EXT1: variants seen among roughly 807,000 people sequenced by gnomAD.
EXT1 encodes the protein exostosin glycosyltransferase 1, also known as exostosin-1.
A neutral mutation model predicts 82.5 loss-of-function variants in EXT1; 20 were observed. That is an observed-to-expected ratio of 0.24 (90% confidence interval 0.17 to 0.35). The LOEUF is 0.35. Among genes scored for constraint, EXT1 ranks in the 10% least tolerant of loss-of-function variants. The probability of loss-of-function intolerance (pLI) is 1.00; values close to 1 mark genes in which losing one functional copy is unlikely to be tolerated. For synonymous variants in EXT1, 348 were observed against 350.8 expected (o/e 0.99, Z 0.09); for missense variants, 757 against 936.5 (o/e 0.81, Z 2.50).
chr8:117,852,983 C>A (rs1812481551), intron 1 of EXT1, among the ~76,000 whole-genome samples: 2 of 152,070 alleles, frequency 1.3e-5, no homozygotes, highest in Non-Finnish European at 2.9e-5. Context: ...AGGAACTTGA[C>A]CTAGTCAGGG....
At chr8:117,847,184 T>A (rs780009169) in intron 1 of EXT1, among the ~76,000 whole-genome samples, 1 of 152,186 alleles carries the variant, frequency 6.6e-6, no homozygotes, top group African/African-American at 2.4e-5. Flanking sequence ...ACAGGGGCTA[T>A]GGAAGCAAGA....
rs191919950 is a variant in EXT1 at position 117,813,067 on chromosome 8, C to A, written c.1633-106G>T. 6.9e-6 allele frequency: 6 copies of A among 863,396 alleles called. No individual in the cohort carries two copies. The African/African-American group carries it at 1.0e-4, about 14-fold the overall frequency. The allele number at this position is 863,396 out of a possible 1,614,324, so 53.5% of individuals were successfully genotyped here. ...CCCATCCTCACCTGCATAAAGAATGCGCTACTATCATGTCACCCCTCAACA... is the reference window on the plus strand; with the variant it reads ...CCCATCCTCACCTGCATAAAGAATGAGCTACTATCATGTCACCCCTCAACA... On this transcript the variant is annotated intron_variant, in intron 7 of 10. Coordinates refer to ENST00000378204, the MANE Select transcript of EXT1 (RefSeq NM_000127.3).
chr8:117,962,465 A>G (rs1442527210), intron 1 of EXT1, among the ~76,000 whole-genome samples: 3 of 152,018 alleles, frequency 2.0e-5, no homozygotes, highest in Non-Finnish European at 4.4e-5. Flanking sequence ...AAAATTAGCC[A>G]AGAATGGCTG....
intron 1 of EXT1, among the ~76,000 whole-genome samples, chr8:118,059,142 A>G (rs1011930889): frequency 6.6e-6 from 1 of 152,214 alleles, no homozygotes; most frequent in Non-Finnish European, 1.5e-5. Flanking sequence ...CCAAATCCTG[A>G]TATTTCAATA....
rs762143501 is a variant in EXT1, at chr8:117,822,571, G to A, written c.1311C>T (p.His437=). Residue 437 remains histidine (H), a synonymous_variant, in exon 5 of 11, where the codon CAC becomes CAT. Coordinates refer to ENST00000378204, the MANE Select transcript of EXT1 (RefSeq NM_000127.3). Reference sequence around the variant, plus strand: ...TCCATATTAAACTGTTACGTGATATGTGCTTGAATATTCTGTCCTGAATAA... The same window carrying A: ...TCCATATTAAACTGTTACGTGATATATGCTTGAATATTCTGTCCTGAATAA... The part of the protein sequence containing the change: ...LEIIQDRIFK[H]ISRNSLIWNK... 3.7e-6 allele frequency: 6 copies of A among 1,613,090 alleles called. No homozygotes were observed. The highest frequency in any genetic ancestry group is 1.3e-5 in the African/African-American group (1 of 74,900).
Position 118,026,731 on chromosome 8 carries a change from A to G in EXT1, c.962+83354T>C, listed in dbSNP as rs116862674. On this transcript the variant is annotated intron_variant, in intron 1 of 10. Transcript: ENST00000378204. ...TTGGGGGGAGGGAACAGCATTAGCT[A>G]CTACAAACAACCATCAGTCACTGAT... Among the ~76,000 whole-genome samples, 746 of 152,292 alleles carry G rather than the reference A, an allele frequency of 4.9e-3. 2 individuals are homozygous for G. The highest frequency in any genetic ancestry group is 8.5e-3 in the Non-Finnish European group (580 of 68,026).
intron 1 of EXT1, among the ~76,000 whole-genome samples, chr8:117,982,000 G>C (rs1815216347): frequency 6.6e-6 from 1 of 152,206 alleles, no homozygotes; most frequent in African/African-American, 2.4e-5. Context: ...GATTTTGTCA[G>C]AATGAGATTT....
intron 1 of EXT1, among the ~76,000 whole-genome samples, chr8:118,069,238 T>C (rs1335393489): frequency 6.6e-6 from 1 of 152,244 alleles, no homozygotes; most frequent in African/African-American, 2.4e-5. Context: ...TAACTTCCCA[T>C]GTGTAATACT....
At chr8:117,817,735 G>A (rs529877403) in intron 7 of EXT1, among the ~76,000 whole-genome samples, 1 of 152,284 alleles carries the variant, frequency 6.6e-6, no homozygotes, top group East Asian at 1.9e-4. Flanking sequence ...TGTAGTAGGG[G>A]GCAGGGTCTG....
At chr8:118,028,002 A>C (rs1209034877) in intron 1 of EXT1, among the ~76,000 whole-genome samples, 1 of 152,222 alleles carries the variant, frequency 6.6e-6, no homozygotes, top group Non-Finnish European at 1.5e-5. Context: ...AATGAATTAC[A>C]GTGGGAATTA....
chr8:118,058,162 C>A (rs1816826095), intron 1 of EXT1, among the ~76,000 whole-genome samples: 1 of 151,928 alleles, frequency 6.6e-6, no homozygotes, highest in Admixed American at 6.6e-5. Context: ...ACACAACACA[C>A]ACAAATAACC....
At position 118,110,859 on chromosome 8, in the gene EXT1, C is replaced by A. The variant is rs187891947; in HGVS notation, c.188G>T (p.Arg63Leu). The stretch of plus-strand genomic sequence containing the variant: ...CAATTGATCCCAAGGAACGAAGGGG[C>A]GCAGAGCGTCCGGGAAGCGGGGCCA... ...HFWPRFPDAL[R>L]PFVPWDQLEN... is the part of the protein sequence containing the mutation. Residue 63 changes from arginine (R) to leucine (L), a missense_variant, in exon 1 of 11, where the codon CGC (arginine) becomes CTC (leucine). Physicochemically the swap from Arg to Leu is moderately radical, Grantham distance 102. Transcript: ENST00000378204. The A allele has an allele frequency of 3.1e-6, 5 of 1,613,062 alleles. No homozygotes were observed. The East Asian group carries it at 1.1e-4, about 36-fold the overall frequency.
chr8:117,900,956 G>T (rs1158374994), intron 1 of EXT1, among the ~76,000 whole-genome samples: 1 of 152,158 alleles, frequency 6.6e-6, no homozygotes, highest in Non-Finnish European at 1.5e-5. Flanking sequence ...TCCTACCAAG[G>T]CAGATACTTG....
At chr8:118,044,429 C>T (rs1350008589) in intron 1 of EXT1, among the ~76,000 whole-genome samples, 2 of 150,774 alleles carry the variant, frequency 1.3e-5, no homozygotes, top group Middle Eastern at 3.2e-3. Context: ...TTTTTTGAGA[C>T]GGAGTTTTAC....
intron 1 of EXT1, among the ~76,000 whole-genome samples, chr8:118,056,488 C>T (rs1007348984): frequency 2.9e-4 from 44 of 152,202 alleles, no homozygotes; most frequent in African/African-American, 1.0e-3. Context: ...CCCCGGCTTA[C>T]ATTGCATCTT....
chr8:117,858,805 C>CAGG lies in EXT1; in HGVS notation c.963-21605_963-21604insCCT, dbSNP rs1460308167. On this transcript the variant is annotated intron_variant, in intron 1 of 10. Coordinates refer to ENST00000378204, the MANE Select transcript of EXT1 (RefSeq NM_000127.3). ...GGCAGGCAGGCAAGGCAAGGCAAGG[C>CAGG]AAGGCAGGAAGGAAGGAAGGAAGGA... Among the ~76,000 whole-genome samples the CAGG allele has an allele frequency of 3.7e-4, 25 of 66,704 alleles. 2 individuals carry two copies. The highest frequency in any genetic ancestry group is 1.0e-3 in the African/African-American group (12 of 11,810). The allele number at this position is 66,704 out of a possible 152,430, so 43.8% of individuals were successfully genotyped here.
chr8:117,814,083 G>A (rs1158631027), intron 7 of EXT1, among the ~76,000 whole-genome samples: 1 of 149,938 alleles, frequency 6.7e-6, no homozygotes, highest in Non-Finnish European at 1.5e-5. Context: ...GGAGAAGAAG[G>A]AGAAGGAGAA....
intron 1 of EXT1, among the ~76,000 whole-genome samples, chr8:117,977,174 G>C (rs1815081861): frequency 6.6e-6 from 1 of 152,066 alleles, no homozygotes; most frequent in Admixed American, 6.6e-5. Context: ...ATCACCTGAG[G>C]TCAGGAGTTT....
chr8:117,848,954 T>G (rs1009280911), intron 1 of EXT1, among the ~76,000 whole-genome samples: 22 of 152,142 alleles, frequency 1.4e-4, no homozygotes, highest in Non-Finnish European at 1.6e-4. Flanking sequence ...GCCCTACACC[T>G]TGGCCGACTG....
Sources: gnomAD v4.1 joint callset for allele counts (sites outside exome capture counted in the v4.1 genomes callset) on GRCh38, gnomAD v4.1.1 for gene constraint, MANE v1.5 for transcripts, NCBI Gene and HGNC (gene_info 2026-07-23, HGNC 2026-07-21) for gene names.